The following ANO4 variants were observed in gnomAD, a reference collection of about 807,000 sequenced individuals.
ANO4 encodes the protein anoctamin 4.
ANO4 carries 69 observed loss-of-function variants against 141.9 expected under a neutral mutation model. The ratio of observed to expected loss-of-function variants is 0.49; its 90% CI spans 0.40 to 0.59. The LOEUF is 0.59. Among genes scored for constraint, ANO4 ranks in the 20% least tolerant of loss-of-function variants. The pLI, the probability that ANO4 is intolerant of heterozygous loss-of-function variation, is 0.00. For synonymous variants in ANO4, 350 were observed against 394.3 expected (o/e 0.89, Z 1.33); for missense variants, 894 against 1,162.2 (o/e 0.77, Z 3.36).
At chr12:101,025,709 G>C (rs533608076) in intron 9 of ANO4, among the ~76,000 whole-genome samples, 1 of 152,312 alleles carries the variant, frequency 6.6e-6, no homozygotes, top group East Asian at 1.9e-4. Flanking sequence ...GTTTAACAAT[G>C]TATAACAAGG....
intron 10 of ANO4, 141 bp from the exon 11 acceptor site, chr12:101,039,814 C>T (rs1242542522): frequency 2.3e-6 from 2 of 870,662 alleles, no homozygotes; most frequent in Non-Finnish European, 3.4e-6. Flanking sequence ...ATCAAACTGC[C>T]TGCCCTTTAA....
At chr12:100,848,646 G>A (rs1162047140) in intron 1 of ANO4, among the ~76,000 whole-genome samples, 2 of 152,214 alleles carry the variant, frequency 1.3e-5, no homozygotes, top group East Asian at 3.9e-4. Flanking sequence ...ACTTCTCCTG[G>A]TCCATTGCTC....
intron 1 of ANO4, among the ~76,000 whole-genome samples, chr12:100,859,601 A>C (rs2038366871): frequency 6.6e-6 from 1 of 152,200 alleles, no homozygotes; most frequent in Non-Finnish European, 1.5e-5. Context: ...GAAGACAAAC[A>C]TTTAAAGTGT....
chr12:100,942,227 C>T, intron 4 of ANO4, 150 bp from the exon 5 acceptor site: 1 of 746,368 alleles, frequency 1.3e-6, no homozygotes, highest in South Asian at 2.0e-5. Flanking sequence ...GATCCACCCG[C>T]CTCGGCCTCC....
At chr12:100,935,809 G>T in intron 3 of ANO4, among the ~76,000 whole-genome samples, 1 of 152,206 alleles carries the variant, frequency 6.6e-6, no homozygotes, top group East Asian at 1.9e-4. Context: ...GTTGGAAGTT[G>T]AGAGTTGCTT....
chr12:100,952,771 G>A (rs140734232), intron 5 of ANO4, among the ~76,000 whole-genome samples: 10 of 152,182 alleles, frequency 6.6e-5, no homozygotes, highest in East Asian at 3.9e-4. Context: ...TTCTGAGACC[G>A]GTTTAAAGAT....
At chr12:101,108,240 A>G (rs2050525477) in intron 22 of ANO4, among the ~76,000 whole-genome samples, 1 of 152,158 alleles carries the variant, frequency 6.6e-6, no homozygotes, top group African/African-American at 2.4e-5. Context: ...CAAGGTTGAA[A>G]CAGAAGGGAA....
chr12:100,868,984 G>A (rs979365451), intron 1 of ANO4, among the ~76,000 whole-genome samples: 2 of 152,206 alleles, frequency 1.3e-5, no homozygotes, highest in Admixed American at 1.3e-4. Flanking sequence ...TCTGTAGTTT[G>A]CCAACCCCCT....
chr12:100,908,530 T>C (rs935426413), intron 2 of ANO4, among the ~76,000 whole-genome samples: 4 of 151,120 alleles, frequency 2.6e-5, no homozygotes, highest in African/African-American at 9.7e-5. Context: ...AAACTTGTTA[T>C]TTAAAAAAAG....
chr12:100,822,200 C>T (rs950832450), intron 1 of ANO4, among the ~76,000 whole-genome samples: 2 of 151,966 alleles, frequency 1.3e-5, no homozygotes, highest in South Asian at 4.1e-4. Context: ...TAAAGTGACC[C>T]TTTGTTATCA....
At chr12:100,911,409 C>T (rs1209877166) in intron 2 of ANO4, among the ~76,000 whole-genome samples, 1 of 152,078 alleles carries the variant, frequency 6.6e-6, no homozygotes, top group Non-Finnish European at 1.5e-5. Flanking sequence ...AATTAAAAGC[C>T]CTGCAGTAGC....
intron 5 of ANO4, among the ~76,000 whole-genome samples, 188 bp from the exon 6 acceptor site, chr12:100,971,118 A>T (rs1282131041): frequency 6.6e-6 from 1 of 152,224 alleles, no homozygotes; most frequent in Non-Finnish European, 1.5e-5. Flanking sequence ...TCCAGCTGAC[A>T]TGAGTGCCAC....
intron 1 of ANO4, among the ~76,000 whole-genome samples, chr12:100,845,631 A>G (rs113318691): frequency 0.023 from 3,447 of 152,294 alleles, 132 homozygotes; most frequent in African/African-American, 0.078. Context: ...ATACATGGCT[A>G]CATAATCATA....
At chr12:101,031,937 A>G (rs1350051561) in intron 9 of ANO4, among the ~76,000 whole-genome samples, 1 of 152,238 alleles carries the variant, frequency 6.6e-6, no homozygotes, top group African/African-American at 2.4e-5. Flanking sequence ...CAGAGAGGAC[A>G]CAAACAAATG....
chr12:101,010,489 A>G (rs2046040850), intron 8 of ANO4, among the ~76,000 whole-genome samples: 1 of 152,176 alleles, frequency 6.6e-6, no homozygotes, highest in African/African-American at 2.4e-5. Flanking sequence ...TTGGCCTGAC[A>G]ATCTTCTCAT....
intron 1 of ANO4, among the ~76,000 whole-genome samples, chr12:100,846,438 A>G (rs2037563742): frequency 6.6e-6 from 1 of 152,240 alleles, no homozygotes; most frequent in Admixed American, 6.5e-5. Flanking sequence ...ATTTGATGTT[A>G]TGAACAACAA....
At chr12:100,741,053 T>C (rs1204608297) in intron 3 of ANO4, among the ~76,000 whole-genome samples, 1 of 152,222 alleles carries the variant, frequency 6.6e-6, no homozygotes, top group Non-Finnish European at 1.5e-5. Flanking sequence ...GCCTTAAAAT[T>C]TATCGCTTAT....
intron 5 of ANO4, among the ~76,000 whole-genome samples, chr12:100,950,303 TGTC>T (rs1462214679): frequency 1.3e-5 from 2 of 152,204 alleles, no homozygotes; most frequent in Non-Finnish European, 2.9e-5. Flanking sequence ...TCTTCTTATA[TGTC>T]ACACACTTGT....
At chr12:101,087,886 C>G (rs938317548) in intron 17 of ANO4, among the ~76,000 whole-genome samples, 16 of 152,186 alleles carry the variant, frequency 1.1e-4, no homozygotes, top group Non-Finnish European at 1.8e-4. Context: ...CCACCCTGGT[C>G]CAAGTCTGCA....
Sources: allele counts gnomAD v4.1 joint callset (sites outside exome capture counted in the v4.1 genomes callset), GRCh38; gene constraint gnomAD v4.1.1; transcripts MANE v1.5; gene names NCBI Gene and HGNC (gene_info 2026-07-23, HGNC 2026-07-21).